The following UGT1A4 variants were observed in gnomAD, a reference collection of about 807,000 sequenced individuals.
UGT1A4 encodes the protein UDP glucuronosyltransferase family 1 member A4.
UGT1A4 carries 32 observed loss-of-function variants against 41.1 expected under a neutral mutation model. That is an observed-to-expected ratio of 0.78 (90% CI 0.59 to 1.05). The LOEUF is 1.05. UGT1A4 is among the 50% of genes least tolerant of loss of function. The pLI, the probability that UGT1A4 is intolerant of heterozygous loss-of-function variation, is 0.00. For missense variants in UGT1A4, 748 were observed against 677.4 expected (o/e 1.10, Z -1.16); for synonymous variants, 283 against 265.1 (o/e 1.07, Z -0.66).
intron 4 of UGT1A4, chr2:233,770,280 A>G (rs889485504): frequency 6.6e-6 from 1 of 152,192 alleles, no homozygotes; most frequent in Non-Finnish European, 1.5e-5. Context: ...CACAAAATAA[A>G]AAGAAGTGGA....
chr2:233,720,454 C>T (rs1295053597), intron 1 of UGT1A4, among the ~76,000 whole-genome samples: 1 of 152,034 alleles, frequency 6.6e-6, no homozygotes, highest in African/African-American at 2.4e-5. Flanking sequence ...CCCAGTGAAG[C>T]TGGGACCAGT....
In UGT1A4 at chr2:233,760,534, T is replaced by C. The variant is rs56059937; in HGVS notation, c.868-6500T>C. On this transcript the variant is annotated intron_variant, in intron 1 of 4. Coordinates refer to ENST00000373409, the MANE Select transcript of UGT1A4 (RefSeq NM_007120.3). ...CACCTTGAAGACGTACCCTGTGCCA[T>C]TCCAAAGGGAGGATGTGAAAGAGTC... is the stretch of plus-strand genomic sequence containing the variant. 3.7e-6 allele frequency: 6 copies of C among 1,614,240 alleles called. No individual in the cohort carries two copies. Among genetic ancestry groups the C allele is most frequent in the South Asian group, 3.3e-5 (3 of 91,088 alleles).
chr2:233,743,460 A>AC, intron 1 of UGT1A4: 1 of 1,365,926 alleles, frequency 7.3e-7, no homozygotes. Context: ...AAGAAAAAAC[A>AC]CCCCCAAAAG....
intron 1 of UGT1A4, among the ~76,000 whole-genome samples, chr2:233,720,134 A>G (rs562111913): frequency 6.6e-6 from 1 of 152,212 alleles, no homozygotes; most frequent in South Asian, 2.1e-4. Flanking sequence ...ACCACAGGAG[A>G]CCTAGGCACT....
In UGT1A4 at chr2:233,767,949, G is replaced by A. The variant is rs569380768; in HGVS notation, c.1087+13G>A. 2 of 1,614,196 alleles carry A rather than the reference G, an allele frequency of 1.2e-6. No homozygotes were observed. Among genetic ancestry groups the A allele is most frequent in the East Asian group, 2.2e-5 (1 of 44,890 alleles). On this transcript the variant is annotated intron_variant, in intron 3 of 4. Coordinates refer to ENST00000373409, the MANE Select transcript of UGT1A4 (RefSeq NM_007120.3). ...AACGATCTGCTTGGTATGTTGGGCG[G>A]ATTGGATGTATAGGTCAAACCAGGG...
chr2:233,724,330 CG>C (rs1206363001), intron 1 of UGT1A4, among the ~76,000 whole-genome samples: 3 of 121,984 alleles, frequency 2.5e-5, no homozygotes, highest in Non-Finnish European at 3.5e-5. Context: ...GCTGGCCAGG[CG>C]GGGGGCTGAC....
intron 1 of UGT1A4, among the ~76,000 whole-genome samples, chr2:233,724,182 C>A (rs1411199563): frequency 3.3e-5 from 4 of 119,646 alleles, no homozygotes; most frequent in African/African-American, 7.6e-5. Flanking sequence ...ATCTCCCTCC[C>A]GGACGGGGTG....
At chr2:233,752,762 C>CA (rs1695055217) in intron 1 of UGT1A4, among the ~76,000 whole-genome samples, 1 of 152,222 alleles carries the variant, frequency 6.6e-6, no homozygotes, top group Non-Finnish European at 1.5e-5. Flanking sequence ...AACAAACAAA[C>CA]AAACAAACAA....
At chr2:233,728,351 G>A (rs1396406554) in intron 1 of UGT1A4, among the ~76,000 whole-genome samples, 1 of 152,180 alleles carries the variant, frequency 6.6e-6, no homozygotes, top group East Asian at 1.9e-4. Context: ...TGGTGAGCAG[G>A]AGCTCCCTGA....
At position 233,764,014 on chromosome 2, in the gene UGT1A4, A is replaced by G. The variant is rs28900399; in HGVS notation, c.868-3020A>G. On this transcript the variant is annotated intron_variant, in intron 1 of 4. Transcript: ENST00000373409. ...GATGGTGAAGTCACAGATGACCCACATGGTGTCTAAGTGCTAAAGAAGAAT... is the reference window on the plus strand; with the variant it reads ...GATGGTGAAGTCACAGATGACCCACGTGGTGTCTAAGTGCTAAAGAAGAAT... Among the ~76,000 whole-genome samples the G allele has an allele frequency of 9.6e-3, 1,456 of 152,328 alleles. 29 individuals are homozygous for G. The highest frequency in any genetic ancestry group is 0.033 in the African/African-American group (1,365 of 41,562).
At chr2:233,743,076 G>T (rs1054800) in intron 1 of UGT1A4, 5 of 344,584 alleles carry the variant, frequency 1.5e-5, no homozygotes, top group Non-Finnish European at 2.8e-5. Context: ...GTGTTGGCAT[G>T]AAGTGTTTAT....
rs777947055 is a variant in UGT1A4 at position 233,719,057 on chromosome 2, C to G, written c.237C>G (p.Ala79=). The G allele has an allele frequency of 2.1e-5, 34 of 1,614,154 alleles. No homozygotes were observed. In the Admixed American group the frequency reaches 2.3e-4, roughly 11 times the overall value. Residue 79 remains alanine, a synonymous_variant, in exon 1 of 5, where the codon GCC becomes GCG. Transcript: ENST00000373409. The part of the protein sequence containing the change: ...IKEEKFFTLT[A]YAVPWTQKEF... ...AAGAGAAATTTTTCACCCTGACAGC[C>G]TATGCTGTTCCATGGACCCAGAAGG...
Position 233,718,879 on chromosome 2 carries a change from T to G in UGT1A4, c.59T>G (p.Leu20Arg). 1 of 1,613,960 alleles carries G rather than the reference T, an allele frequency of 6.2e-7. No homozygotes were observed. The highest frequency in any genetic ancestry group is 8.5e-7 in the Non-Finnish European group (1 of 1,179,930). ...PRLATGLLLLLSVQPWAESGK... is the reference protein window; with the variant it reads ...PRLATGLLLLRSVQPWAESGK... ...CTGGCCACAGGACTGCTGCTCCTCC[T>G]CAGTGTCCAGCCCTGGGCTGAGAGT... Residue 20 changes from leucine to arginine, a missense_variant, in exon 1 of 5, where the codon CTC (leucine) becomes CGC (arginine). Transcript: ENST00000373409.
rs1699290986 is a variant in UGT1A4 at position 233,766,960 on chromosome 2, A to T, written c.868-74A>T. 4.4e-6 allele frequency: 7 copies of T among 1,607,258 alleles called. No homozygotes were observed. The South Asian group carries it at 7.8e-5, about 18-fold the overall frequency. On this transcript the variant is annotated intron_variant, in intron 1 of 4. Transcript: ENST00000373409. ...CATAGTCTTAAGAGGAAGATATCTA[A>T]TTCATAACTTACTGTATGTAGTCAT...
intron 1 of UGT1A4, chr2:233,743,998 C>G (rs1199821485): frequency 8.1e-7 from 1 of 1,233,642 alleles, no homozygotes; most frequent in African/African-American, 1.6e-5. Context: ...CCCGAGTGCT[C>G]GGAGACCTGG....
chr2:233,735,151 G>T (rs1299543720), intron 1 of UGT1A4, among the ~76,000 whole-genome samples: 1 of 152,160 alleles, frequency 6.6e-6, no homozygotes, highest in African/African-American at 2.4e-5. Context: ...GGGAGTCTAA[G>T]TCTCTGTGTA....
In UGT1A4 at chr2:233,767,120, G is replaced by A; in HGVS notation, c.954G>A (p.Lys318=). The A allele has an allele frequency of 1.2e-6, 2 of 1,614,156 alleles. No individual in the cohort carries two copies. The highest frequency in any genetic ancestry group is 1.7e-6 in the Non-Finnish European group (2 of 1,180,028). ...CAATGGTCTCAGAAATTCCAGAGAA[G>A]AAAGCTATGGCAATTGCTGATGCTT... ...LGSMVSEIPE[K]KAMAIADALG... The change falls in exon 2 of 5, where the codon AAG becomes AAA. Residue 318 remains lysine, a synonymous_variant. Transcript: ENST00000373409.
chr2:233,746,674 G>T (rs1328656193), intron 1 of UGT1A4, among the ~76,000 whole-genome samples: 1 of 151,722 alleles, frequency 6.6e-6, no homozygotes, highest in South Asian at 2.1e-4. Context: ...TAGCATAGTA[G>T]GTAGGGCTCA....
At chr2:233,731,558 G>C (rs955136214) in intron 1 of UGT1A4, among the ~76,000 whole-genome samples, 5 of 152,170 alleles carry the variant, frequency 3.3e-5, no homozygotes, top group Non-Finnish European at 5.9e-5. Context: ...CCATGTGATA[G>C]TTTGCTGAGA....
Sources: gnomAD v4.1 joint callset for allele counts (sites outside exome capture counted in the v4.1 genomes callset) on GRCh38, gnomAD v4.1.1 for gene constraint, MANE v1.5 for transcripts, NCBI Gene and HGNC (gene_info 2026-07-23, HGNC 2026-07-21) for gene names.